The following PCDH9 variants were observed in gnomAD, a reference collection of about 807,000 sequenced individuals.
The protein encoded by PCDH9 is protocadherin-9.
Under a neutral mutation model 70.6 loss-of-function variants are expected in PCDH9, and 24 were observed. The ratio of observed to expected loss-of-function variants is 0.34; its 90% confidence interval spans 0.25 to 0.48. The LOEUF (loss-of-function observed/expected upper bound fraction) is 0.48. Ranked by LOEUF, PCDH9 falls within the 20% of genes least tolerant of loss-of-function variation. PCDH9 has a pLI of 0.99. For synonymous variants in PCDH9, 562 were observed against 558.5 expected, an observed-to-expected ratio of 1.01 and a Z score of -0.09; for missense variants, 1,281 against 1,503.6, an observed-to-expected ratio of 0.85 and a Z score of 2.45.
chr13:66,759,236 T>C (rs934570435), intron 3 of PCDH9, among the ~76,000 whole-genome samples: 2 of 152,116 alleles, frequency 1.3e-5, no homozygotes, highest in Non-Finnish European at 1.5e-5. Flanking sequence ...TATAATTACA[T>C]AATGACCTTT....
rs533849289 is a variant in PCDH9 at position 66,354,748 on chromosome 13, G to A, written c.3341-49720C>T. Among the ~76,000 whole-genome samples, 102 of 152,118 alleles carry A rather than the reference G, an allele frequency of 6.7e-4. 5 individuals are homozygous for A. The South Asian group carries it at 0.02, about 30-fold the overall frequency. On this transcript the variant is annotated intron_variant, in intron 4 of 4. Coordinates refer to ENST00000377865, the MANE Select transcript of PCDH9 (RefSeq NM_203487.3). ...TATGCCCCTCCCTCTTTTCACCAAC[G>A]TTAGAGCCCATTGCTTGCCTCTCCA...
At chr13:67,052,953 C>G (rs2085350294) in intron 2 of PCDH9, among the ~76,000 whole-genome samples, 1 of 151,948 alleles carries the variant, frequency 6.6e-6, no homozygotes, top group African/African-American at 2.4e-5. Context: ...ATGGACATGA[C>G]AAGTAAGCCG....
intron 3 of PCDH9, among the ~76,000 whole-genome samples, chr13:66,648,957 T>C (rs2077811442): frequency 6.6e-6 from 1 of 151,794 alleles, no homozygotes. Flanking sequence ...CAGTAGAAGA[T>C]CAAGCAGAAG....
chr13:66,406,111 T>C (rs1467462603), intron 4 of PCDH9, among the ~76,000 whole-genome samples: 2 of 152,106 alleles, frequency 1.3e-5, no homozygotes, highest in African/African-American at 2.4e-5. Context: ...AAGGTACAAT[T>C]TGTTTCTCTC....
chr13:66,835,227 T>C (rs1381628139), intron 3 of PCDH9, among the ~76,000 whole-genome samples: 2 of 152,188 alleles, frequency 1.3e-5, no homozygotes, highest in Non-Finnish European at 2.9e-5. Flanking sequence ...TCTTGGAGCA[T>C]ATAAAGCTAA....
intron 4 of PCDH9, among the ~76,000 whole-genome samples, chr13:66,509,858 T>C (rs549410496): frequency 1.3e-5 from 2 of 152,340 alleles, no homozygotes; most frequent in South Asian, 4.1e-4. Context: ...TAAAATTTCA[T>C]TTTATGTGAA....
intron 3 of PCDH9, among the ~76,000 whole-genome samples, chr13:66,720,619 C>A (rs1435837922): frequency 6.6e-6 from 1 of 152,072 alleles, no homozygotes; most frequent in Non-Finnish European, 1.5e-5. Context: ...ATATATACCA[C>A]ATAAATTTCT....
intron 2 of PCDH9, among the ~76,000 whole-genome samples, chr13:66,911,726 G>T (rs550890347): frequency 1.3e-5 from 2 of 152,174 alleles, no homozygotes; most frequent in African/African-American, 4.8e-5. Flanking sequence ...TAAATTACAG[G>T]ATTACATGTT....
At chr13:67,056,355 C>T (rs565342590) in intron 2 of PCDH9, among the ~76,000 whole-genome samples, 7 of 83,230 alleles carry the variant, frequency 8.4e-5, no homozygotes, top group Admixed American at 6.6e-4. Context: ...ATCTCTATGT[C>T]TCTTTTTGTA....
intron 4 of PCDH9, among the ~76,000 whole-genome samples, chr13:66,492,661 C>A (rs947402682): frequency 1.3e-5 from 2 of 151,884 alleles, no homozygotes; most frequent in Non-Finnish European, 2.9e-5. Context: ...CTATAAATAA[C>A]CACCAGGTGC....
chr13:66,422,872 G>T (rs558775381), intron 4 of PCDH9, among the ~76,000 whole-genome samples: 9 of 152,070 alleles, frequency 5.9e-5, no homozygotes, highest in South Asian at 4.2e-4. Context: ...TCCAGGAGCT[G>T]GTTTTTTGAA....
At chr13:66,720,917 G>C (rs974042637) in intron 3 of PCDH9, among the ~76,000 whole-genome samples, 2 of 152,250 alleles carry the variant, frequency 1.3e-5, no homozygotes. Flanking sequence ...GGGAAAAAAA[G>C]CATAAGGTGG....
At position 66,947,430 on chromosome 13, in the gene PCDH9, T is replaced by A. The variant is rs185919712; in HGVS notation, c.3037-43825A>T. ...ATAATCATGTTCTTTTTCCAAAAAA[T>A]ACCCCTTATTATGAGTGTAATGACA... On this transcript the variant is annotated intron_variant, in intron 2 of 4. Coordinates refer to ENST00000377865, the MANE Select transcript of PCDH9 (RefSeq NM_203487.3). Among the ~76,000 whole-genome samples the A allele has an allele frequency of 1.6e-3, 251 of 152,272 alleles. 3 individuals carry two copies. Among genetic ancestry groups the A allele is most frequent in the African/African-American group, 5.8e-3 (239 of 41,558 alleles).
At chr13:66,802,682 TAAA>T (rs1051814323) in intron 3 of PCDH9, among the ~76,000 whole-genome samples, 1 of 152,072 alleles carries the variant, frequency 6.6e-6, no homozygotes, top group African/African-American at 2.4e-5. Context: ...GTCAAGTAAT[TAAA>T]AAACTATTAA....
intron 4 of PCDH9, among the ~76,000 whole-genome samples, chr13:66,315,704 C>G (rs1474624000): frequency 6.6e-6 from 1 of 152,172 alleles, no homozygotes; most frequent in Non-Finnish European, 1.5e-5. Flanking sequence ...TGGTCTCGAA[C>G]TCCCGACCTC....
At chr13:66,432,410 CATGACTTCT>C (rs1957788018) in intron 4 of PCDH9, among the ~76,000 whole-genome samples, 1 of 151,982 alleles carries the variant, frequency 6.6e-6, no homozygotes. Flanking sequence ...AATAATTATT[CATGACTTCT>C]ATCATAACTA....
intron 2 of PCDH9, among the ~76,000 whole-genome samples, chr13:67,080,216 A>G (rs1317803676): frequency 6.6e-6 from 1 of 152,152 alleles, no homozygotes; most frequent in Non-Finnish European, 1.5e-5. Flanking sequence ...TATCAAATGT[A>G]TTTTCATATG....
At chr13:66,701,789 G>T (rs1050165121) in intron 3 of PCDH9, among the ~76,000 whole-genome samples, 3 of 152,058 alleles carry the variant, frequency 2.0e-5, no homozygotes, top group African/African-American at 7.2e-5. Flanking sequence ...TAATCATGTG[G>T]TTAAAAATTA....
chr13:66,772,280 T>C (rs1246878254), intron 3 of PCDH9, among the ~76,000 whole-genome samples: 1 of 152,218 alleles, frequency 6.6e-6, no homozygotes. Flanking sequence ...ATCATGTTTC[T>C]ATCAATTCTC....
Sources: allele counts gnomAD v4.1 joint callset (sites outside exome capture counted in the v4.1 genomes callset), GRCh38; gene constraint gnomAD v4.1.1; transcripts MANE v1.5; gene names NCBI Gene and HGNC (gene_info 2026-07-23, HGNC 2026-07-21).